IPO9: variants seen among roughly 807,000 people sequenced by gnomAD.
IPO9 encodes the protein importin-9.
In IPO9, 28 loss-of-function variants were observed where a neutral mutation model predicts 128.6. The ratio of observed to expected loss-of-function variants is 0.22; its 90% CI spans 0.16 to 0.30. The LOEUF (loss-of-function observed/expected upper bound fraction) is 0.30. IPO9 is among the 10% of genes least tolerant of loss of function. The pLI, the probability that IPO9 is intolerant of heterozygous loss-of-function variation, is 1.00. For synonymous variants in IPO9, 455 were observed against 475.8 expected (o/e 0.96, Z 0.57); for missense variants, 935 against 1,293.9 (o/e 0.72, Z 4.26).
intron 10 of IPO9, among the ~76,000 whole-genome samples, chr1:201,856,638 A>AT (rs1176977752): frequency 6.6e-6 from 1 of 151,900 alleles, no homozygotes; most frequent in Non-Finnish European, 1.5e-5. Context: ...AAAAGAAAAG[A>AT]TTTTTTTAAG....
Position 201,861,862 on chromosome 1 carries a change from T to C in IPO9, c.1469-1586T>C, listed in dbSNP as rs141475217. On this transcript the variant is annotated intron_variant, in intron 13 of 23. Coordinates refer to ENST00000361565, the MANE Select transcript of IPO9 (RefSeq NM_018085.5). ...CACTAAAGACAGAATTACTGTGGCA[T>C]AGAGATAGTTAGAATTGCTTCAGCC... Among the ~76,000 whole-genome samples the C allele has an allele frequency of 4.1e-4, 63 of 152,274 alleles. No homozygotes were observed. In the East Asian group the frequency reaches 0.01, roughly 25 times the overall value.
chr1:201,854,017 TGAGCCAC>T (rs1680273743), intron 6 of IPO9, among the ~76,000 whole-genome samples: 1 of 152,182 alleles, frequency 6.6e-6, no homozygotes, highest in Admixed American at 6.5e-5. Context: ...ATTACAGGCA[TGAGCCAC>T]CATGCCCAGC....
Position 201,866,823 on chromosome 1 carries a change from C to T in IPO9, c.1719C>T (p.Ala573=), listed in dbSNP as rs903572809. ...TTGATGGCTTAATTCACCTAGCAGCCCAGTTCAGCTCAGAGGTCCTCAACC... is the reference window on the plus strand; with the variant it reads ...TTGATGGCTTAATTCACCTAGCAGCTCAGTTCAGCTCAGAGGTCCTCAACC... ...SILDGLIHLA[A]QFSSEVLNLV... Residue 573 remains alanine, a synonymous_variant, in exon 15 of 24, where the codon GCC becomes GCT. Transcript: ENST00000361565. The T allele has an allele frequency of 6.2e-7, 1 of 1,614,006 alleles. No individual in the cohort carries two copies. The highest frequency in any genetic ancestry group is 8.5e-7 in the Non-Finnish European group (1 of 1,180,032).
intron 13 of IPO9, among the ~76,000 whole-genome samples, chr1:201,860,610 G>A (rs1002393260): frequency 6.6e-6 from 1 of 152,096 alleles, no homozygotes; most frequent in Non-Finnish European, 1.5e-5. Context: ...TCTGGAAAAA[G>A]GCTCAATATA....
At position 201,847,639 on chromosome 1, in the gene IPO9, G is replaced by GTAAGTCAGT; in HGVS notation, c.312+4_312+12dup. 1.2e-6 allele frequency: 2 copies of GTAAGTCAGT among 1,605,144 alleles called. No individual in the cohort carries two copies. Among genetic ancestry groups the GTAAGTCAGT allele is most frequent in the Non-Finnish European group, 1.7e-6 (2 of 1,171,870 alleles). On this transcript the variant is annotated splice_donor_variant, in intron 3 of 23. Coordinates refer to ENST00000361565, the MANE Select transcript of IPO9 (RefSeq NM_018085.5). LOFTEE classifies it high-confidence loss of function. ...TAGGCCTCCTGAAACTACAGAAAGG[G>GTAAGTCAGT]TAAGTCAGTTACTTGATTAGTCTAC... is the stretch of plus-strand genomic sequence containing the variant.
intron 20 of IPO9, among the ~76,000 whole-genome samples, chr1:201,873,444 C>CAA (rs571580169): frequency 0.054 from 3,102 of 57,810 alleles, 182 homozygotes; most frequent in East Asian, 0.27. Context: ...GACTCCGTCT[C>CAA]AAAAAAAAAA....
intron 11 of IPO9, among the ~76,000 whole-genome samples, chr1:201,858,096 A>G (rs1421758501): frequency 6.6e-6 from 1 of 152,188 alleles, no homozygotes; most frequent in African/African-American, 2.4e-5. Flanking sequence ...TTCAGTTCCA[A>G]TTAGTAGATT....
chr1:201,860,277 C>CG (rs1391139797), intron 13 of IPO9, among the ~76,000 whole-genome samples: 1 of 152,138 alleles, frequency 6.6e-6, no homozygotes, highest in African/African-American at 2.4e-5. Flanking sequence ...AATCTATTAT[C>CG]GGGTGTCTCA....
At chr1:201,874,507 C>G in intron 21 of IPO9, 135 bp downstream of exon 21, 2 of 981,908 alleles carry the variant, frequency 2.0e-6, no homozygotes, top group South Asian at 1.7e-5. Flanking sequence ...TGGCTGGCAC[C>G]ATGCTAGGCA....
intron 1 of IPO9, among the ~76,000 whole-genome samples, chr1:201,831,726 A>C (rs75387174): frequency 0.014 from 2,079 of 152,268 alleles, 43 homozygotes; most frequent in African/African-American, 0.045. Flanking sequence ...GAAAACATAG[A>C]ACCCAGCTTT....
intron 1 of IPO9, among the ~76,000 whole-genome samples, chr1:201,838,946 G>A (rs1176351105): frequency 6.7e-6 from 1 of 149,424 alleles, no homozygotes; most frequent in African/African-American, 2.5e-5. Context: ...TTGAGATGGA[G>A]CCTTGCTGTG....
At position 201,847,752 on chromosome 1, in the gene IPO9, A is replaced by AGATT. The variant is rs1342217859; in HGVS notation, c.312+116_312+119dup. ...CAATCAAAAGACTAGGCAGAAAAGGAGATTGGTGGCTGGCATTGCGGGCAT... is the reference window on the plus strand; with the variant it reads ...CAATCAAAAGACTAGGCAGAAAAGGAGATTGATTGGTGGCTGGCATTGCGGGCAT... On this transcript the variant is annotated intron_variant, in intron 3 of 23. Transcript: ENST00000361565. 65 of 757,872 alleles carry AGATT rather than the reference A, an allele frequency of 8.6e-5. 1 individual carries two copies. The South Asian group carries it at 1.0e-3, about 12-fold the overall frequency. 46.9% of individuals were successfully genotyped at this position (757,872 alleles called of 1,614,324 possible).
At chr1:201,839,413 C>A (rs1679996272) in intron 1 of IPO9, among the ~76,000 whole-genome samples, 1 of 151,870 alleles carries the variant, frequency 6.6e-6, no homozygotes, top group Non-Finnish European at 1.5e-5. Flanking sequence ...GACGGGGTTT[C>A]ACCATGTTGC....
rs145897943 is a variant in IPO9 at position 201,837,358 on chromosome 1, T to C, written c.163+7986T>C. 3.1e-3 allele frequency among the ~76,000 whole-genome samples: 478 copies of C among 152,302 alleles called. 3 individuals carry two copies. Among genetic ancestry groups the C allele is most frequent in the Non-Finnish European group, 5.4e-3 (369 of 68,026 alleles). On this transcript the variant is annotated intron_variant, in intron 1 of 23. Transcript: ENST00000361565. The stretch of plus-strand genomic sequence containing the variant: ...TGAAGAGAAAAGACTTGGAATTCTC[T>C]GGTTGATGAGAAAGGACCCTTAAGC...
At chr1:201,855,959 AC>A (rs772564192) in intron 10 of IPO9, 25 bp downstream of exon 10, 1 of 1,545,474 alleles carries the variant, frequency 6.5e-7, no homozygotes, top group Non-Finnish European at 8.7e-7. Flanking sequence ...AGAGACAGTT[AC>A]CATCTTGTAT....
Position 201,870,820 on chromosome 1 carries a change from A to G in IPO9, c.2371A>G (p.Ser791Gly). Residue 791 changes from serine (S) to glycine (G), a missense_variant, in exon 18 of 24, where the codon AGT becomes GGT. By Grantham distance (56) the Ser-to-Gly change is moderately conservative. Transcript: ENST00000361565. The surrounding 1 kb of genome is among the most constrained non-coding windows in gnomAD (Gnocchi z 4.9). ...AGACCAGATTCTTCGTGCCATCCTC[A>G]GTAAGATGCAGCAGGCAGAGACGCT... ...NLDQILRAIL[S>G]KMQQAETLSV... 6.2e-7 allele frequency: 1 copy of G among 1,614,014 alleles called. No individual in the cohort carries two copies. Among genetic ancestry groups the G allele is most frequent in the Non-Finnish European group, 8.5e-7 (1 of 1,179,942 alleles).
chr1:201,866,005 G>T (rs1680549195), intron 14 of IPO9, among the ~76,000 whole-genome samples: 1 of 152,186 alleles, frequency 6.6e-6, no homozygotes, highest in Non-Finnish European at 1.5e-5. Flanking sequence ...CATCATGCTG[G>T]ATCTTAAATG....
chr1:201,863,821 T>C lies in IPO9; in HGVS notation c.1628+214T>C, dbSNP rs948916457. The stretch of plus-strand genomic sequence containing the variant: ...GTTCCTTTCTGCTCCTCTTCCTCTT[T>C]AAATTCGCTCCAGTTCTGGAATCAT... On this transcript the variant is annotated intron_variant, in intron 14 of 23. Transcript: ENST00000361565. Among the ~76,000 whole-genome samples the C allele has an allele frequency of 4.6e-5, 7 of 152,328 alleles. No homozygotes were observed. In the East Asian group the frequency reaches 1.2e-3, roughly 25 times the overall value.
chr1:201,882,125 T>C lies in IPO9; in HGVS notation c.*6071T>C, dbSNP rs1340757166. 1 of 152,090 alleles carries C rather than the reference T, an allele frequency of 6.6e-6. No individual in the cohort carries two copies. Among genetic ancestry groups the C allele is most frequent in the Non-Finnish European group, 1.5e-5 (1 of 68,028 alleles). The allele number at this position is 152,090 out of a possible 1,614,324, so 9.4% of individuals were successfully genotyped here. On this transcript the variant is annotated 3_prime_UTR_variant, in exon 24 of 24. Transcript: ENST00000361565. ...CCAGTAGCAAAGCACCCAAAAGTAA[T>C]CGCAATAAAATTCCAATTTTTGTAG...
Sources: allele counts gnomAD v4.1 joint callset (sites outside exome capture counted in the v4.1 genomes callset), GRCh38; gene constraint gnomAD v4.1.1; non-coding constraint Gnocchi (gnomAD v3.1); transcripts MANE v1.5; gene names NCBI Gene and HGNC (gene_info 2026-07-23, HGNC 2026-07-21).